The following LRP1B variants were observed in gnomAD, a reference collection of about 807,000 sequenced individuals.
The protein encoded by LRP1B is LDL receptor related protein 1B.
A neutral mutation model predicts 556.6 loss-of-function variants in LRP1B; 217 were observed. The observed-to-expected ratio is 0.39, with a 90% CI of 0.35 to 0.44. The LOEUF is 0.44. LRP1B is among the 20% of genes least tolerant of loss of function. LRP1B has a pLI of 1.00. For synonymous variants in LRP1B, 2,047 were observed against 1,865.8 expected, an observed-to-expected ratio of 1.10 and a Z score of -2.50; for missense variants, 5,053 against 5,620.8, an observed-to-expected ratio of 0.90 and a Z score of 3.23.
At chr2:141,575,225 A>G (rs1559150478) in intron 2 of LRP1B, among the ~76,000 whole-genome samples, 1 of 152,234 alleles carries the variant, frequency 6.6e-6, no homozygotes. Flanking sequence ...ACAAGGCTAC[A>G]GTAACCAAAA....
chr2:141,396,925 C>T lies in LRP1B; in HGVS notation c.343+83471G>A, dbSNP rs568325389. 4.6e-5 allele frequency among the ~76,000 whole-genome samples: 7 copies of T among 151,574 alleles called. No homozygotes were observed. The South Asian group carries it at 6.3e-4, about 14-fold the overall frequency. ...GTCGGGAGTTTGAGACCAGCCTGAC[C>T]AACTTGGAGAAACCCCATCGCTACT... On this transcript the variant is annotated intron_variant, in intron 3 of 90. Coordinates refer to ENST00000389484, the MANE Select transcript of LRP1B (RefSeq NM_018557.3).
chr2:141,197,068 G>A (rs1276468542), intron 6 of LRP1B, among the ~76,000 whole-genome samples: 3 of 152,116 alleles, frequency 2.0e-5, no homozygotes, highest in East Asian at 3.9e-4. Context: ...CTTCTACAAT[G>A]ATTGTGAGGC....
At chr2:141,054,935 CTCAT>C (rs1574027042) in intron 10 of LRP1B, among the ~76,000 whole-genome samples, 177 bp downstream of exon 10, 1 of 151,938 alleles carries the variant, frequency 6.6e-6, no homozygotes, top group Non-Finnish European at 1.5e-5. Context: ...TGGTTAGTTT[CTCAT>C]TCATATTATC....
chr2:140,434,082 C>A (rs1403833686), intron 66 of LRP1B, among the ~76,000 whole-genome samples: 2 of 147,266 alleles, frequency 1.4e-5, no homozygotes. Flanking sequence ...ATTTTTTTTT[C>A]ATTTTGAGAT....
chr2:140,291,325 T>TA (rs1449270404), intron 84 of LRP1B, among the ~76,000 whole-genome samples: 5 of 132,664 alleles, frequency 3.8e-5, no homozygotes, highest in African/African-American at 7.5e-5. Flanking sequence ...TATATTTTTA[T>TA]TATACTTTAA....
At chr2:140,454,827 T>C (rs1043257561) in intron 62 of LRP1B, among the ~76,000 whole-genome samples, 15 of 152,182 alleles carry the variant, frequency 9.9e-5, no homozygotes, top group Non-Finnish European at 1.5e-5. Context: ...TTATTCTCTG[T>C]GCCTTGCTAT....
At chr2:141,188,999 G>T (rs1046814365) in intron 6 of LRP1B, among the ~76,000 whole-genome samples, 13 of 151,910 alleles carry the variant, frequency 8.6e-5, no homozygotes, top group African/African-American at 3.1e-4. Flanking sequence ...CTTGTTTTCA[G>T]ATTCCCTTTT....
intron 43 of LRP1B, 127 bp downstream of exon 43, chr2:140,598,504 T>C (rs954388521): frequency 7.3e-6 from 5 of 688,790 alleles, no homozygotes; most frequent in African/African-American, 5.4e-5. Flanking sequence ...AGTTATTCAA[T>C]TGGATTGTTT....
At chr2:141,158,701 C>T (rs552881724) in intron 7 of LRP1B, among the ~76,000 whole-genome samples, 2 of 152,136 alleles carry the variant, frequency 1.3e-5, no homozygotes, top group Non-Finnish European at 2.9e-5. Context: ...TCCCTTTAGG[C>T]CTCTTTGCAC....
At chr2:141,986,284 A>G (rs1702184782) in intron 1 of LRP1B, among the ~76,000 whole-genome samples, 1 of 151,972 alleles carries the variant, frequency 6.6e-6, no homozygotes, top group African/African-American at 2.4e-5. Context: ...CACAATAAAA[A>G]CTTTAAAAAA....
intron 6 of LRP1B, among the ~76,000 whole-genome samples, chr2:141,192,826 G>T (rs1681577979): frequency 6.6e-6 from 1 of 151,864 alleles, no homozygotes; most frequent in African/African-American, 2.4e-5. Flanking sequence ...TTTGAAACTT[G>T]TAAAGTAGTA....
intron 7 of LRP1B, among the ~76,000 whole-genome samples, chr2:141,102,578 A>T (rs1700490432): frequency 6.6e-6 from 1 of 152,238 alleles, no homozygotes; most frequent in South Asian, 2.1e-4. Context: ...AATACGGCCA[A>T]ATGAAAGAAA....
chr2:142,097,905 C>T (rs938188142), intron 1 of LRP1B, among the ~76,000 whole-genome samples: 1 of 151,584 alleles, frequency 6.6e-6, no homozygotes, highest in African/African-American at 2.4e-5. Flanking sequence ...TCTTGGCTCC[C>T]TTTACAATCG....
chr2:141,682,527 A>G (rs1574236445), intron 2 of LRP1B, among the ~76,000 whole-genome samples: 1 of 152,140 alleles, frequency 6.6e-6, no homozygotes, highest in Non-Finnish European at 1.5e-5. Context: ...TTTACAAAAT[A>G]TACCTCTGCT....
intron 1 of LRP1B, among the ~76,000 whole-genome samples, chr2:141,966,506 A>C (rs1371937665): frequency 6.6e-6 from 1 of 151,904 alleles, no homozygotes; most frequent in Non-Finnish European, 1.5e-5. Flanking sequence ...GGGGCCAGCC[A>C]GCTCCTGCAG....
intron 2 of LRP1B, among the ~76,000 whole-genome samples, chr2:141,551,856 A>G (rs1294640768): frequency 6.6e-6 from 1 of 151,984 alleles, no homozygotes; most frequent in African/African-American, 2.4e-5. Context: ...TCCACAGCCA[A>G]TTTGGTGTTC....
chr2:140,263,247 C>T (rs1682030144), intron 86 of LRP1B, among the ~76,000 whole-genome samples: 1 of 152,042 alleles, frequency 6.6e-6, no homozygotes, highest in Admixed American at 6.6e-5. Flanking sequence ...AGACTGGCCA[C>T]CCGTGGATCT....
chr2:140,550,624 T>A (rs1386831741), intron 43 of LRP1B, among the ~76,000 whole-genome samples: 2 of 152,064 alleles, frequency 1.3e-5, no homozygotes, highest in Non-Finnish European at 2.9e-5. Flanking sequence ...CACACACACA[T>A]GCAAACAAAC....
chr2:141,057,543 G>A (rs113891268), intron 9 of LRP1B, among the ~76,000 whole-genome samples: 1 of 151,774 alleles, frequency 6.6e-6, no homozygotes, highest in Non-Finnish European at 1.5e-5. Context: ...TTGAATCATG[G>A]GGGCAGGTCT....
Sources: allele counts gnomAD v4.1 joint callset (sites outside exome capture counted in the v4.1 genomes callset), GRCh38; gene constraint gnomAD v4.1.1; transcripts MANE v1.5; gene names NCBI Gene and HGNC (gene_info 2026-07-23, HGNC 2026-07-21).